The following SLC25A48 variants were observed in gnomAD, a reference collection of about 807,000 sequenced individuals.
SLC25A48 encodes the protein CTC-321K16.1.
In SLC25A48, 29 loss-of-function variants were observed where a neutral mutation model predicts 32.2. The ratio of observed to expected loss-of-function variants is 0.90; its 90% CI spans 0.67 to 1.23. The LOEUF (loss-of-function observed/expected upper bound fraction) is 1.23. SLC25A48 is among the 50% of genes most tolerant of loss of function. The pLI is 0.00. For synonymous variants in SLC25A48, 164 were observed against 172.3 expected, an observed-to-expected ratio of 0.95 and a Z score of 0.38; for missense variants, 399 against 422.7, an observed-to-expected ratio of 0.94 and a Z score of 0.49.
intron 3 of SLC25A48, chr5:135,654,015 A>G: frequency 2.4e-6 from 1 of 418,672 alleles, no homozygotes; most frequent in Non-Finnish European, 4.8e-6. Flanking sequence ...CCTGTTTCTT[A>G]GTGGCAGTGG....
At chr5:135,626,125 G>A (rs1393681654) in intron 1 of SLC25A48, among the ~76,000 whole-genome samples, 3 of 152,254 alleles carry the variant, frequency 2.0e-5, no homozygotes. Flanking sequence ...TGGCGAGGCT[G>A]GGACGCCAAG....
intron 3 of SLC25A48, among the ~76,000 whole-genome samples, chr5:135,658,854 T>A (rs1259226173): frequency 6.6e-6 from 1 of 152,222 alleles, no homozygotes; most frequent in Non-Finnish European, 1.5e-5. Context: ...CTTTTAGTCA[T>A]GGCTGGAGCT....
At chr5:135,704,674 G>A (rs1580799583) in intron 3 of SLC25A48, among the ~76,000 whole-genome samples, 1 of 152,144 alleles carries the variant, frequency 6.6e-6, no homozygotes, top group African/African-American at 2.4e-5. Context: ...AGTCTTGGGG[G>A]TAGATATTAT....
chr5:135,617,868 T>C (rs909097918), intron 1 of SLC25A48, among the ~76,000 whole-genome samples: 2 of 152,012 alleles, frequency 1.3e-5, no homozygotes, highest in African/African-American at 4.8e-5. Context: ...CCCTAACGTA[T>C]GATTTATTAT....
At chr5:135,700,979 C>T (rs1048168997) in intron 3 of SLC25A48, among the ~76,000 whole-genome samples, 2 of 152,206 alleles carry the variant, frequency 1.3e-5, no homozygotes, top group African/African-American at 4.8e-5. Context: ...GCCTTGGAAT[C>T]AGGAGGCAGC....
At chr5:135,581,495 A>C (rs1751233730) in intron 1 of SLC25A48, among the ~76,000 whole-genome samples, 1 of 152,258 alleles carries the variant, frequency 6.6e-6, no homozygotes, top group Non-Finnish European at 1.5e-5. Flanking sequence ...AAGCTTTCCT[A>C]GAGCATGTAA....
At chr5:135,624,042 C>T (rs868464123) in intron 1 of SLC25A48, among the ~76,000 whole-genome samples, 17 of 152,132 alleles carry the variant, frequency 1.1e-4, no homozygotes, top group Admixed American at 3.9e-4. Context: ...ATGGAAATCA[C>T]GGGTGGGAGC....
At chr5:135,630,367 T>C (rs1327269174) in intron 2 of SLC25A48, among the ~76,000 whole-genome samples, 1 of 152,042 alleles carries the variant, frequency 6.6e-6, no homozygotes, top group Non-Finnish European at 1.5e-5. Flanking sequence ...CCCATGAGGG[T>C]AGTTTGGAGA....
intron 7 of SLC25A48, among the ~76,000 whole-genome samples, chr5:135,880,643 C>T (rs759522430): frequency 6.6e-6 from 1 of 152,170 alleles, no homozygotes; most frequent in Non-Finnish European, 1.5e-5. Flanking sequence ...CTAAAGACAG[C>T]AGTCTGACTC....
At chr5:135,671,968 GC>G (rs770371355) in intron 3 of SLC25A48, among the ~76,000 whole-genome samples, 36 of 152,004 alleles carry the variant, frequency 2.4e-4, no homozygotes, top group Non-Finnish European at 4.0e-4. Context: ...CCCTGGCTTG[GC>G]CAATTTGTAG....
intron 4 of SLC25A48, among the ~76,000 whole-genome samples, chr5:135,863,117 C>T (rs145310666): frequency 0.012 from 1,797 of 152,194 alleles, 32 homozygotes; most frequent in African/African-American, 0.04. Flanking sequence ...ATAGAAGCAG[C>T]AGGCCAAGCA....
At chr5:135,850,582 A>T in intron 3 of SLC25A48, 86 bp downstream of exon 3, 3 of 1,263,806 alleles carry the variant, frequency 2.4e-6, no homozygotes, top group Non-Finnish European at 3.4e-6. Context: ...ACCAGCATGC[A>T]GGTGGGGGCC....
intron 3 of SLC25A48, among the ~76,000 whole-genome samples, chr5:135,636,388 G>T (rs1752705801): frequency 6.6e-6 from 1 of 152,174 alleles, no homozygotes; most frequent in Non-Finnish European, 1.5e-5. Flanking sequence ...GTCTCCAGTT[G>T]TAGAAAGGTC....
At position 135,815,724 on chromosome 5, in the gene SLC25A48, C is replaced by G. The variant is rs17169168; in HGVS notation, c.-117+2798C>G. ...AGGCCTGGAGCCACATTCACCAAGC[C>G]AGAAGGGATACGTGTAGTCAGTGCA... On this transcript the variant is annotated intron_variant, in intron 4 of 10. Coordinates refer to the SLC25A48 transcript ENST00000646290. Among the ~76,000 whole-genome samples the G allele has an allele frequency of 8.6e-3, 1,310 of 152,260 alleles. 18 individuals are homozygous for G. The highest frequency in any genetic ancestry group is 0.029 in the African/African-American group (1,204 of 41,528).
chr5:135,686,509 C>T (rs1308482727), intron 3 of SLC25A48, among the ~76,000 whole-genome samples: 1 of 152,310 alleles, frequency 6.6e-6, no homozygotes, highest in East Asian at 1.9e-4. Context: ...TCCGCTGCTC[C>T]CCGTATGGTG....
At chr5:135,681,387 G>C (rs536119574) in intron 3 of SLC25A48, among the ~76,000 whole-genome samples, 2 of 152,108 alleles carry the variant, frequency 1.3e-5, no homozygotes, top group Admixed American at 1.3e-4. Flanking sequence ...TTCAGATATT[G>C]TATTTTTTAC....
At chr5:135,850,074 GTGTCCC>G (rs1759720391) in intron 2 of SLC25A48, among the ~76,000 whole-genome samples, 6 of 152,302 alleles carry the variant, frequency 3.9e-5, no homozygotes, top group Admixed American at 2.0e-4. Context: ...AGAAGAGCAG[GTGTCCC>G]CCAAATATAT....
At chr5:135,647,237 C>T (rs1334335693) in intron 3 of SLC25A48, among the ~76,000 whole-genome samples, 1 of 152,146 alleles carries the variant, frequency 6.6e-6, no homozygotes, top group Admixed American at 6.5e-5. Flanking sequence ...TTTATATTAA[C>T]TAAATTCTAG....
Position 135,728,883 on chromosome 5 carries a change from C to CACACACACAT in SLC25A48, c.-520-83639_-520-83638insCACACACATA, listed in dbSNP as rs1561466222. On this transcript the variant is annotated intron_variant, in intron 3 of 10. Transcript: ENST00000646290. Reference sequence around the variant, plus strand: ...ACACACACACACACACACACACACACATACACACACACCCCAAGGCTTGGA... The same window carrying CACACACACAT: ...ACACACACACACACACACACACACACACACACACATATACACACACACCCCAAGGCTTGGA... Among the ~76,000 whole-genome samples, 3 of 144,850 alleles carry CACACACACAT rather than the reference C, an allele frequency of 2.1e-5. No homozygotes were observed. The East Asian group carries it at 5.9e-4, about 29-fold the overall frequency.
Sources: gnomAD v4.1 joint callset for allele counts (sites outside exome capture counted in the v4.1 genomes callset) on GRCh38, gnomAD v4.1.1 for gene constraint, MANE v1.5 for transcripts, NCBI Gene and HGNC (gene_info 2026-07-23, HGNC 2026-07-21) for gene names.